The following SGCZ variants were observed in gnomAD, a reference collection of about 807,000 sequenced individuals.
SGCZ encodes the protein sarcoglycan zeta.
In SGCZ, 40 loss-of-function variants were observed where a neutral mutation model predicts 41.3. The ratio of observed to expected loss-of-function variants is 0.97; its 90% confidence interval spans 0.75 to 1.26. SGCZ has a LOEUF of 1.26. Among genes scored for constraint, SGCZ ranks in the 50% most tolerant of loss-of-function variants. The pLI is 0.00. For missense variants in SGCZ, 552 were observed against 369.8 expected (o/e 1.49, Z -4.04); for synonymous variants, 206 against 137.5 (o/e 1.50, Z -3.49).
chr8:15,107,953 T>C (rs908593810), intron 1 of SGCZ, among the ~76,000 whole-genome samples: 1 of 152,196 alleles, frequency 6.6e-6, no homozygotes, highest in Admixed American at 6.5e-5. Flanking sequence ...TTGTAAGTTC[T>C]TTAATTCACC....
At position 14,164,680 on chromosome 8, in the gene SGCZ, C is replaced by G. The variant is rs141077666; in HGVS notation, c.447G>C (p.Gln149His). ...TGGCTCTCACTTCAAATCTTTTACA[C>G]TGAGCTTCCACAGCATCAGCTCCTA... ...LTIGADAVEA[Q>H]CKRFEVRASE... Residue 149 changes from glutamine (Q) to histidine (H), a missense_variant, in exon 5 of 8, where the codon CAG becomes CAC. Transcript: ENST00000382080. The G allele has an allele frequency of 1.2e-6, 2 of 1,613,588 alleles. No homozygotes were observed. The highest frequency in any genetic ancestry group is 1.7e-6 in the Non-Finnish European group (2 of 1,179,674).
chr8:15,167,409 T>C (rs1181405197), intron 1 of SGCZ, among the ~76,000 whole-genome samples: 5 of 151,672 alleles, frequency 3.3e-5, no homozygotes, highest in East Asian at 2.0e-4. Context: ...ACTGTCACTT[T>C]CTAACAGGTC....
Position 14,188,054 on chromosome 8 carries a change from T to TA in SGCZ, c.425-23353dup, listed in dbSNP as rs780378945. Among the ~76,000 whole-genome samples, 27 of 151,320 alleles carry TA rather than the reference T, an allele frequency of 1.8e-4. 1 individual carries two copies. Among genetic ancestry groups the TA allele is most frequent in the African/African-American group, 2.2e-4 (9 of 41,288 alleles). On this transcript the variant is annotated intron_variant, in intron 4 of 7. Transcript: ENST00000382080. ...ACAGCATATTCAAAGTGTTCAGATT[T>TA]AAAAAAAAAGTCAACCAAGAGTTCT...
intron 1 of SGCZ, among the ~76,000 whole-genome samples, chr8:14,781,498 G>T (rs1800586100): frequency 6.6e-6 from 1 of 152,046 alleles, no homozygotes; most frequent in South Asian, 2.1e-4. Context: ...CAAAGTGCTG[G>T]CATTTACAGC....
chr8:14,980,591 A>T (rs1801627477), intron 1 of SGCZ, among the ~76,000 whole-genome samples: 1 of 152,166 alleles, frequency 6.6e-6, no homozygotes, highest in South Asian at 2.1e-4. Context: ...CAGAGGAGCA[A>T]GTCACGTCTT....
chr8:14,826,885 G>A (rs1802343996), intron 1 of SGCZ, among the ~76,000 whole-genome samples: 1 of 152,086 alleles, frequency 6.6e-6, no homozygotes, highest in South Asian at 2.1e-4. Flanking sequence ...TCTGTAGGCT[G>A]CCTGTTCACT....
At chr8:15,105,177 C>T (rs1806776530) in intron 1 of SGCZ, among the ~76,000 whole-genome samples, 1 of 152,186 alleles carries the variant, frequency 6.6e-6, no homozygotes, top group African/African-American at 2.4e-5. Flanking sequence ...AGACCTTACA[C>T]ATTTGTCTAT....
At chr8:14,261,376 G>T (rs556208325) in intron 3 of SGCZ, among the ~76,000 whole-genome samples, 41 of 152,242 alleles carry the variant, frequency 2.7e-4, no homozygotes, top group African/African-American at 9.4e-4. Flanking sequence ...TTTAAAGAAA[G>T]TAAGTATTTT....
chr8:14,850,772 C>A (rs1331187866), intron 1 of SGCZ, among the ~76,000 whole-genome samples: 2 of 152,112 alleles, frequency 1.3e-5, no homozygotes, highest in African/African-American at 2.4e-5. Context: ...CCGCTGTTCT[C>A]ATGATAGTGA....
At position 14,973,625 on chromosome 8, in the gene SGCZ, A is replaced by G. The variant is rs6998366; in HGVS notation, c.39+263960T>C. On this transcript the variant is annotated intron_variant, in intron 1 of 7. Transcript: ENST00000382080. ...TCCAATGCAACTCCTTTTCCAAGAG[A>G]TCAGTGTCCCACAATCAAAAGCTCA... Among the ~76,000 whole-genome samples the G allele has an allele frequency of 2.0e-3, 303 of 152,306 alleles. 2 individuals are homozygous for G. Among genetic ancestry groups the G allele is most frequent in the African/African-American group, 7.2e-3 (300 of 41,566 alleles).
chr8:15,170,713 A>G (rs1799802148), intron 1 of SGCZ, among the ~76,000 whole-genome samples: 1 of 152,176 alleles, frequency 6.6e-6, no homozygotes, highest in African/African-American at 2.4e-5. Flanking sequence ...GATGTATTTG[A>G]ACTATGCAGT....
intron 2 of SGCZ, among the ~76,000 whole-genome samples, chr8:14,397,776 T>C (rs1241702767): frequency 6.6e-6 from 1 of 152,128 alleles, no homozygotes; most frequent in Non-Finnish European, 1.5e-5. Context: ...TCATCATCTG[T>C]CACCAGCATC....
intron 2 of SGCZ, among the ~76,000 whole-genome samples, chr8:14,405,581 G>T (rs1437419531): frequency 6.7e-6 from 1 of 148,808 alleles, no homozygotes; most frequent in East Asian, 1.9e-4. Flanking sequence ...CCTATGTTGT[G>T]GCTGATTTTT....
intron 1 of SGCZ, among the ~76,000 whole-genome samples, chr8:14,936,403 G>A (rs1800084743): frequency 6.6e-6 from 1 of 151,804 alleles, no homozygotes; most frequent in Admixed American, 6.6e-5. Flanking sequence ...GTAATACAAA[G>A]CCTAGTTTAT....
chr8:14,289,067 A>G (rs1675263514), intron 3 of SGCZ, among the ~76,000 whole-genome samples: 1 of 152,092 alleles, frequency 6.6e-6, no homozygotes, highest in Non-Finnish European at 1.5e-5. Context: ...ATCTATTCGT[A>G]TATCTTCTTT....
intron 1 of SGCZ, among the ~76,000 whole-genome samples, chr8:15,213,868 T>C (rs904702076): frequency 2.0e-5 from 3 of 152,028 alleles, no homozygotes; most frequent in East Asian, 1.9e-4. Context: ...ACCATATTTC[T>C]CTTTTTAAAA....
At chr8:15,146,293 T>C (rs1309205715) in intron 1 of SGCZ, among the ~76,000 whole-genome samples, 1 of 152,194 alleles carries the variant, frequency 6.6e-6, no homozygotes, top group African/African-American at 2.4e-5. Context: ...CGGAAAGGAA[T>C]ATATAATTAT....
intron 2 of SGCZ, among the ~76,000 whole-genome samples, chr8:14,326,506 G>T (rs1802123044): frequency 6.6e-6 from 1 of 152,134 alleles, no homozygotes; most frequent in South Asian, 2.1e-4. Context: ...GGGACATTTG[G>T]AGGTGACGAG....
intron 2 of SGCZ, among the ~76,000 whole-genome samples, chr8:14,468,599 A>T (rs994403238): frequency 7.9e-5 from 12 of 152,130 alleles, no homozygotes; most frequent in African/African-American, 2.7e-4. Flanking sequence ...TAACGTATTT[A>T]AATTTTGAGT....
Sources: gnomAD v4.1 joint callset for allele counts (sites outside exome capture counted in the v4.1 genomes callset) on GRCh38, gnomAD v4.1.1 for gene constraint, MANE v1.5 for transcripts, NCBI Gene and HGNC (gene_info 2026-07-23, HGNC 2026-07-21) for gene names.